Variants in KLC1 observed in about 807,000 individuals in gnomAD.
The protein encoded by KLC1 is kinesin light chain 1.
A neutral mutation model predicts 84.2 loss-of-function variants in KLC1; 30 were observed. The observed-to-expected ratio is 0.36, with a 90% CI of 0.27 to 0.48. KLC1 has a LOEUF of 0.48. KLC1 is among the 20% of genes least tolerant of loss of function. The pLI, the probability that KLC1 is intolerant of heterozygous loss-of-function variation, is 0.99. For missense variants in KLC1, 499 were observed against 805.4 expected (o/e 0.62, Z 4.60); for synonymous variants, 289 against 293.3 (o/e 0.99, Z 0.15).
At chr14:103,698,683 G>A (rs2082786955) in intron 15 of KLC1, 4 of 937,384 alleles carry the variant, frequency 4.3e-6, no homozygotes, top group African/African-American at 3.3e-5. Context: ...CCCTGGAAGA[G>A]CTGTGTCTGA....
intron 15 of KLC1, chr14:103,696,831 C>A: frequency 1.0e-6 from 1 of 985,438 alleles, no homozygotes; most frequent in Non-Finnish European, 1.2e-6. Flanking sequence ...ATGGCCCTGG[C>A]CTGGAACTGT....
chr14:103,636,177 A>G (rs191195552), intron 1 of KLC1, among the ~76,000 whole-genome samples: 2 of 152,076 alleles, frequency 1.3e-5, no homozygotes, highest in African/African-American at 2.4e-5. Flanking sequence ...CCCGGTAACC[A>G]TCTTTTCTAC....
At chr14:103,632,916 A>G (rs1473265946) in intron 1 of KLC1, among the ~76,000 whole-genome samples, 1 of 152,018 alleles carries the variant, frequency 6.6e-6, no homozygotes, top group Admixed American at 6.6e-5. Context: ...CTTGGAGGAA[A>G]TAAATCCTGA....
chr14:103,685,890 T>C (rs757949972), intron 13 of KLC1: 3 of 1,141,260 alleles, frequency 2.6e-6, no homozygotes, highest in Non-Finnish European at 3.3e-6. Flanking sequence ...ATCCATTTAC[T>C]GTGTAATACA....
intron 1 of KLC1, among the ~76,000 whole-genome samples, chr14:103,649,679 T>TA (rs1406994664): frequency 1.3e-5 from 2 of 150,448 alleles, no homozygotes; most frequent in African/African-American, 4.9e-5. Context: ...GGTTTGACCC[T>TA]AAAAAGGGCT....
chr14:103,682,338 C>T (rs1314098593), intron 13 of KLC1: 2 of 151,436 alleles, frequency 1.3e-5, no homozygotes, highest in Non-Finnish European at 2.9e-5. Flanking sequence ...TCACTGCACT[C>T]CAGCCTGGGT....
chr14:103,662,396 G>C (rs954668099), intron 4 of KLC1, among the ~76,000 whole-genome samples: 3 of 152,044 alleles, frequency 2.0e-5, no homozygotes, highest in African/African-American at 7.2e-5. Context: ...AGGATACAGC[G>C]GCATGCACGT....
intron 15 of KLC1, chr14:103,699,340 G>T (rs1203684256): frequency 1.3e-6 from 2 of 1,579,792 alleles, no homozygotes; most frequent in Non-Finnish European, 1.7e-6. Context: ...GAGCTCAGGG[G>T]TGCAACCCTG....
At chr14:103,636,326 A>G (rs1243330703) in intron 1 of KLC1, among the ~76,000 whole-genome samples, 1 of 151,930 alleles carries the variant, frequency 6.6e-6, no homozygotes, top group African/African-American at 2.4e-5. Context: ...AGTTCAAACA[A>G]TTCTCCTGCT....
At chr14:103,695,412 C>A in intron 15 of KLC1, 1 of 984,480 alleles carries the variant, frequency 1.0e-6, no homozygotes, top group Non-Finnish European at 1.2e-6. Context: ...AGCCAACCCC[C>A]CCCAAAAAAA....
intron 9 of KLC1, 27 bp from the exon 10 acceptor site, chr14:103,675,525 A>G (rs1337055496): frequency 1.2e-6 from 2 of 1,602,670 alleles, no homozygotes; most frequent in Non-Finnish European, 8.5e-7. Context: ...AGGATGCTCA[A>G]CCTGTATGCT....
chr14:103,692,448 T>G, intron 15 of KLC1, 23 bp downstream of exon 15: 1 of 1,534,702 alleles, frequency 6.5e-7, no homozygotes, highest in South Asian at 1.2e-5. Context: ...CCCCGAATTG[T>G]GTCCTAGGCT....
chr14:103,666,976 T>C (rs924847964), intron 5 of KLC1, among the ~76,000 whole-genome samples: 2 of 149,564 alleles, frequency 1.3e-5, no homozygotes, highest in Non-Finnish European at 3.0e-5. Context: ...CAGGGTCTTA[T>C]CATTCTTGGT....
chr14:103,652,500 T>TG (rs1248024494), intron 1 of KLC1, among the ~76,000 whole-genome samples: 78 of 151,982 alleles, frequency 5.1e-4, no homozygotes, highest in African/African-American at 1.8e-3. Flanking sequence ...CTTTGTTCTT[T>TG]TTTTTTTTTG....
At position 103,654,681 on chromosome 14, in the gene KLC1, G is replaced by C. The variant is rs902270654; in HGVS notation, c.117G>C (p.Lys39Asn). 1 of 1,614,106 alleles carries C rather than the reference G, an allele frequency of 6.2e-7. No homozygotes were observed. The highest frequency in any genetic ancestry group is 8.5e-7 in the Non-Finnish European group (1 of 1,180,056). Residue 39 changes from lysine to asparagine, a missense_variant, in exon 2 of 17, where the codon AAG becomes AAC. Physicochemically the swap from Lys to Asn is moderately conservative, Grantham distance 94 (BLOSUM62 0). Around this residue, in one of 3 missense-constraint regions of KLC1, gnomAD observed 179 missense variants for 264.2 expected, o/e 0.68. Coordinates refer to ENST00000334553, the MANE Select transcript of KLC1 (RefSeq NM_001394837.1). ...TAATTCAGGGGCTGGAAGCTTTGAA[G>C]AATGAGCACAATTCCATTTTACAAA... The part of the protein sequence containing the change: ...KQVIQGLEAL[K>N]NEHNSILQSL...
At chr14:103,658,109 AG>A (rs2078958740) in intron 3 of KLC1, among the ~76,000 whole-genome samples, 1 of 152,152 alleles carries the variant, frequency 6.6e-6, no homozygotes, top group South Asian at 2.1e-4. Context: ...TCTGCCCCTT[AG>A]GGTGGGTGCT....
At chr14:103,669,677 T>C in intron 6 of KLC1, 79 bp downstream of exon 6, 1 of 1,005,586 alleles carries the variant, frequency 9.9e-7, no homozygotes, top group Non-Finnish European at 1.6e-6. Context: ...ATTTTACCAT[T>C]AAACTCAACA....
chr14:103,696,671 C>T (rs556805635), intron 15 of KLC1: 1 of 985,524 alleles, frequency 1.0e-6, no homozygotes, highest in East Asian at 1.1e-4. Flanking sequence ...CCAGCTGTCT[C>T]AGGGCTGATA....
intron 12 of KLC1, among the ~76,000 whole-genome samples, chr14:103,678,676 C>T (rs1273551956): frequency 2.7e-5 from 4 of 149,902 alleles, no homozygotes; most frequent in Admixed American, 1.3e-4. Flanking sequence ...GGCAACAGAG[C>T]GAGACCCTGT....
Sources: allele counts gnomAD v4.1 joint callset (sites outside exome capture counted in the v4.1 genomes callset), GRCh38; gene constraint gnomAD v4.1.1; regional missense constraint gnomAD v4.1.1; transcripts MANE v1.5; gene names NCBI Gene and HGNC (gene_info 2026-07-23, HGNC 2026-07-21).